Variants in MED12L observed in about 807,000 individuals in gnomAD.
MED12L encodes mediator of RNA polymerase II transcription subunit 12-like protein.
Under a neutral mutation model 281.3 loss-of-function variants are expected in MED12L, and 60 were observed. That is an observed-to-expected ratio of 0.21 (90% CI 0.17 to 0.26). MED12L has a LOEUF of 0.26. Ranked by LOEUF, MED12L falls within the 10% of genes least tolerant of loss-of-function variation. The pLI is 1.00. For missense variants in MED12L, 2,146 were observed against 2,680.9 expected (o/e 0.80, Z 4.41); for synonymous variants, 974 against 987.2 (o/e 0.99, Z 0.25).
intron 16 of MED12L, among the ~76,000 whole-genome samples, chr3:151,268,037 T>C (rs752116188): frequency 1.6e-4 from 25 of 152,166 alleles, no homozygotes; most frequent in Non-Finnish European, 2.5e-4. Context: ...CTTAGTAAAG[T>C]CTCAAGGAAA....
At chr3:151,202,930 T>C (rs1477746328) in intron 16 of MED12L, among the ~76,000 whole-genome samples, 1 of 152,222 alleles carries the variant, frequency 6.6e-6, no homozygotes, top group African/African-American at 2.4e-5. Context: ...GTTCATCAGA[T>C]ATAAGAAAAT....
Position 151,214,011 on chromosome 3 carries a change from G to A in MED12L, c.2250+20345G>A, listed in dbSNP as rs138172429. 4,291 of 1,614,058 alleles carry A rather than the reference G, an allele frequency of 2.7e-3. 8 individuals carry two copies. Among genetic ancestry groups the A allele is most frequent in the Non-Finnish European group, 3.1e-3 (3,641 of 1,179,946 alleles). On this transcript the variant is annotated intron_variant, in intron 16 of 44. Coordinates refer to ENST00000687756, the MANE Select transcript of MED12L (RefSeq NM_001393769.1). ...ACACAATGCTGACGTACATGTTGAC[G>A]TAGAAGAGCACGGCAGAGACCCTGC...
chr3:151,185,441 C>G lies in MED12L; in HGVS notation c.1606C>G (p.Gln536Glu). 6.2e-7 allele frequency: 1 copy of G among 1,613,902 alleles called. No individual in the cohort carries two copies. The highest frequency in any genetic ancestry group is 8.5e-7 in the Non-Finnish European group (1 of 1,179,960). ...TGTGGCAAAACTCCTGGAGAAGAGG[C>G]AAGCAGAAATTGAGGCAGAGGTAGG... ...MAVAKLLEKR[Q>E]AEIEAERCGE... The change falls in exon 12 of 45, where the codon CAA becomes GAA. Residue 536 changes from glutamine to glutamate, a missense_variant. This residue lies in a region of MED12L where 722 missense variants were observed against 861.2 expected (regional missense o/e 0.84). Coordinates refer to ENST00000687756, the MANE Select transcript of MED12L (RefSeq NM_001393769.1).
chr3:151,329,019 A>T, intron 16 of MED12L: 1 of 1,553,816 alleles, frequency 6.4e-7, no homozygotes, highest in South Asian at 1.2e-5. Context: ...TGTTACCAAT[A>T]AACATATATA....
At chr3:151,330,289 A>T (rs898051127) in intron 16 of MED12L, among the ~76,000 whole-genome samples, 2 of 152,168 alleles carry the variant, frequency 1.3e-5, no homozygotes, top group African/African-American at 4.8e-5. Flanking sequence ...TGAATTGCAA[A>T]TCCAGATAGA....
chr3:151,131,333 G>C (rs1303888068), intron 5 of MED12L, among the ~76,000 whole-genome samples: 1 of 152,180 alleles, frequency 6.6e-6, no homozygotes. Context: ...AGGCATGGTG[G>C]CTCATGCCTA....
In MED12L at chr3:151,356,053, C is replaced by T. The variant is rs761288957; in HGVS notation, c.2661+14C>T. ...TTCGCAATACAGGTGTCAAAGAGAC[C>T]ATGTTTCTCTTACTTTTAGGAAAGC... On this transcript the variant is annotated intron_variant, in intron 19 of 44. Transcript: ENST00000687756. 6 of 1,597,718 alleles carry T rather than the reference C, an allele frequency of 3.8e-6. No individual in the cohort carries two copies. In the East Asian group the frequency reaches 1.4e-4, roughly 36 times the overall value.
intron 2 of MED12L, among the ~76,000 whole-genome samples, chr3:151,088,688 A>G (rs976445658): frequency 6.6e-6 from 1 of 152,118 alleles, no homozygotes; most frequent in Non-Finnish European, 1.5e-5. Flanking sequence ...ACAACATTTT[A>G]TGGAGTTCTA....
intron 16 of MED12L, among the ~76,000 whole-genome samples, chr3:151,253,075 A>G (rs1008945676): frequency 6.6e-6 from 1 of 152,198 alleles, no homozygotes; most frequent in African/African-American, 2.4e-5. Context: ...TTTGAGTTCA[A>G]CACTCTTGGG....
chr3:151,367,962 ACTG>A (rs761932902), intron 24 of MED12L, among the ~76,000 whole-genome samples, 185 bp from the exon 25 acceptor site: 29 of 152,138 alleles, frequency 1.9e-4, no homozygotes, highest in Non-Finnish European at 3.7e-4. Flanking sequence ...AAGGTGGGAA[ACTG>A]CTATGTTACA....
intron 43 of MED12L, among the ~76,000 whole-genome samples, chr3:151,421,221 C>T (rs1455338597): frequency 6.6e-6 from 1 of 152,064 alleles, no homozygotes; most frequent in African/African-American, 2.4e-5. Flanking sequence ...AATGGGTGAT[C>T]CTATCCACTT....
chr3:151,337,700 T>G lies in MED12L; in HGVS notation c.2251-12359T>G, dbSNP rs548138114. On this transcript the variant is annotated intron_variant, in intron 16 of 44. Coordinates refer to ENST00000687756, the MANE Select transcript of MED12L (RefSeq NM_001393769.1). ...AATTGCTTTTGTAATCTTCTGTTTCTTTAGAGTCATTATTATTAACTTAGT... is the reference window on the plus strand; with the variant it reads ...AATTGCTTTTGTAATCTTCTGTTTCGTTAGAGTCATTATTATTAACTTAGT... 422 of 1,033,618 alleles carry G rather than the reference T, an allele frequency of 4.1e-4. 1 individual carries two copies. The highest frequency in any genetic ancestry group is 5.8e-4 in the Non-Finnish European group (406 of 701,426). 64.0% of individuals were successfully genotyped at this position (1,033,618 alleles called of 1,614,324 possible). A position where few individuals can be genotyped will look rare whatever the true frequency, so the allele number is the denominator to read the frequency against.
At chr3:151,373,542 G>C (rs977607230) in intron 27 of MED12L, among the ~76,000 whole-genome samples, 3 of 149,282 alleles carry the variant, frequency 2.0e-5, no homozygotes, top group East Asian at 4.0e-4. Flanking sequence ...TCTTTACTAT[G>C]ATGGTTGCAA....
chr3:151,153,187 C>G (rs1166968887), intron 5 of MED12L, among the ~76,000 whole-genome samples: 1 of 152,150 alleles, frequency 6.6e-6, no homozygotes, highest in Admixed American at 6.5e-5. Context: ...ACTGCATGAC[C>G]CCTGAAACCC....
chr3:151,224,807 A>G (rs1238089035), intron 16 of MED12L, among the ~76,000 whole-genome samples: 1 of 152,082 alleles, frequency 6.6e-6, no homozygotes, highest in Non-Finnish European at 1.5e-5. Flanking sequence ...TCTTTGCAGC[A>G]TTTGATATCA....
chr3:151,369,792 A>G (rs1755959602), intron 26 of MED12L, among the ~76,000 whole-genome samples: 1 of 152,168 alleles, frequency 6.6e-6, no homozygotes, highest in Non-Finnish European at 1.5e-5. Context: ...TTAGTTGCAT[A>G]ATGTCTCATT....
intron 43 of MED12L, among the ~76,000 whole-genome samples, chr3:151,421,107 A>C (rs1577612241): frequency 6.6e-6 from 1 of 152,208 alleles, no homozygotes; most frequent in East Asian, 1.9e-4. Context: ...CACGTTGCTG[A>C]GCCTGTGCGT....
intron 16 of MED12L, among the ~76,000 whole-genome samples, chr3:151,221,007 A>G (rs1376721931): frequency 6.6e-6 from 1 of 152,204 alleles, no homozygotes; most frequent in Non-Finnish European, 1.5e-5. Context: ...TGATAGTGAT[A>G]TGGACGATAA....
intron 16 of MED12L, among the ~76,000 whole-genome samples, chr3:151,299,637 C>T (rs974166962): frequency 6.6e-6 from 1 of 151,626 alleles, no homozygotes; most frequent in African/African-American, 2.4e-5. Flanking sequence ...CGCCACCACA[C>T]CTGGCTAATT....
Sources: allele counts gnomAD v4.1 joint callset (sites outside exome capture counted in the v4.1 genomes callset), GRCh38; gene constraint gnomAD v4.1.1; regional missense constraint gnomAD v4.1.1; transcripts MANE v1.5; gene names NCBI Gene and HGNC (gene_info 2026-07-23, HGNC 2026-07-21).